Variants in GPR158 observed in about 807,000 individuals in gnomAD.
GPR158 encodes the protein metabotropic glycine receptor.
A neutral mutation model predicts 78.2 loss-of-function variants in GPR158; 30 were observed. The ratio of observed to expected loss-of-function variants is 0.38; its 90% confidence interval spans 0.29 to 0.52. The LOEUF is 0.52. Among genes scored for constraint, GPR158 ranks in the 20% least tolerant of loss-of-function variants. The pLI, the probability that GPR158 is intolerant of heterozygous loss-of-function variation, is 0.83. For synonymous variants in GPR158, 581 were observed against 591.1 expected (o/e 0.98, Z 0.25); for missense variants, 1,463 against 1,523.5 (o/e 0.96, Z 0.66).
At chr10:25,397,096 C>G (rs1834370675) in intron 3 of GPR158, among the ~76,000 whole-genome samples, 1 of 152,138 alleles carries the variant, frequency 6.6e-6, no homozygotes, top group African/African-American at 2.4e-5. Context: ...GAGTGCCTCT[C>G]CTATCACTTC....
At chr10:25,544,262 A>C (rs370762247) in intron 5 of GPR158, among the ~76,000 whole-genome samples, 37 of 151,058 alleles carry the variant, frequency 2.4e-4, no homozygotes, top group Non-Finnish European at 4.3e-4. Flanking sequence ...GGCCCCTAGT[A>C]TCAGAAAGAG....
intron 8 of GPR158, among the ~76,000 whole-genome samples, chr10:25,589,768 T>C (rs1283927449): frequency 6.6e-6 from 1 of 152,194 alleles, no homozygotes; most frequent in South Asian, 2.1e-4. Flanking sequence ...AGGAAGACAG[T>C]GGCTTATCAT....
chr10:25,273,017 G>C (rs1220021878), intron 2 of GPR158, among the ~76,000 whole-genome samples: 1 of 152,132 alleles, frequency 6.6e-6, no homozygotes, highest in Non-Finnish European at 1.5e-5. Flanking sequence ...CTTACCAAAA[G>C]TCACACAATT....
At chr10:25,259,387 T>G (rs1176285788) in intron 2 of GPR158, among the ~76,000 whole-genome samples, 1 of 152,194 alleles carries the variant, frequency 6.6e-6, no homozygotes, top group Non-Finnish European at 1.5e-5. Flanking sequence ...CTTTTCCCAC[T>G]GATGTTCAGT....
intron 5 of GPR158, among the ~76,000 whole-genome samples, chr10:25,484,161 G>A (rs7908927): frequency 0.048 from 7,344 of 152,090 alleles, 491 homozygotes; most frequent in African/African-American, 0.15. Flanking sequence ...CCTCTGCCAC[G>A]GCAATTCTGT....
intron 3 of GPR158, among the ~76,000 whole-genome samples, chr10:25,401,953 T>G (rs1588846232): frequency 6.6e-6 from 1 of 152,282 alleles, no homozygotes; most frequent in South Asian, 2.1e-4. Flanking sequence ...ATTTAGAAAC[T>G]TTGATAAGAT....
chr10:25,339,157 A>AAATTTATTT (rs1855268324), intron 2 of GPR158, among the ~76,000 whole-genome samples: 1 of 151,328 alleles, frequency 6.6e-6, no homozygotes, highest in East Asian at 2.0e-4. Context: ...GCCAGCTTTA[A>AAATTTATTT]AATTTATTTT....
At chr10:25,531,274 C>T (rs1185525557) in intron 5 of GPR158, among the ~76,000 whole-genome samples, 4 of 152,114 alleles carry the variant, frequency 2.6e-5, no homozygotes, top group Admixed American at 6.6e-5. Context: ...GGGCAAGTTA[C>T]TTATCGTCCT....
chr10:25,394,274 A>C (rs1158375360), intron 2 of GPR158, among the ~76,000 whole-genome samples: 1 of 152,236 alleles, frequency 6.6e-6, no homozygotes, highest in African/African-American at 2.4e-5. Context: ...AATTAAAGAC[A>C]GTAAGGCTCA....
intron 2 of GPR158, among the ~76,000 whole-genome samples, chr10:25,375,725 C>A (rs928339008): frequency 6.6e-6 from 1 of 151,492 alleles, no homozygotes; most frequent in African/African-American, 2.4e-5. Context: ...TCTAAGTTTT[C>A]TATTTTTAAA....
intron 5 of GPR158, among the ~76,000 whole-genome samples, chr10:25,517,004 C>T (rs1404703904): frequency 6.7e-6 from 1 of 150,210 alleles, no homozygotes; most frequent in Non-Finnish European, 1.5e-5. Context: ...TACCCATGAG[C>T]ATGGAATGCT....
chr10:25,193,200 G>A (rs1186792072), intron 1 of GPR158, among the ~76,000 whole-genome samples: 1 of 152,072 alleles, frequency 6.6e-6, no homozygotes, highest in Non-Finnish European at 1.5e-5. Context: ...TGGGGGAAAT[G>A]CATAATAAAC....
At chr10:25,227,932 G>T (rs904570501) in intron 2 of GPR158, among the ~76,000 whole-genome samples, 2 of 152,188 alleles carry the variant, frequency 1.3e-5, no homozygotes, top group African/African-American at 2.4e-5. Flanking sequence ...TGTGCTCAAT[G>T]TTGGTGAGGA....
chr10:25,431,735 C>A (rs925294060), intron 4 of GPR158, among the ~76,000 whole-genome samples: 17 of 152,136 alleles, frequency 1.1e-4, no homozygotes, highest in African/African-American at 3.9e-4. Flanking sequence ...TGGCAATCAT[C>A]ATTCTCAGTA....
At chr10:25,282,483 G>A (rs1854289683) in intron 2 of GPR158, among the ~76,000 whole-genome samples, 4 of 151,924 alleles carry the variant, frequency 2.6e-5, no homozygotes, top group Non-Finnish European at 4.4e-5. Context: ...ATTTCTCTTG[G>A]TATATACCTA....
intron 5 of GPR158, among the ~76,000 whole-genome samples, chr10:25,535,677 T>C (rs1836489339): frequency 6.6e-6 from 1 of 152,208 alleles, no homozygotes; most frequent in African/African-American, 2.4e-5. Context: ...ATTTGTTATA[T>C]ACAAGTAGAT....
chr10:25,355,817 G>A (rs979261959), intron 2 of GPR158, among the ~76,000 whole-genome samples: 1 of 152,050 alleles, frequency 6.6e-6, no homozygotes, highest in Admixed American at 6.6e-5. Flanking sequence ...CTAGTAGTGT[G>A]GAAAGGCTGG....
chr10:25,324,358 G>A (rs1263593103), intron 2 of GPR158, among the ~76,000 whole-genome samples: 2 of 152,172 alleles, frequency 1.3e-5, no homozygotes, highest in South Asian at 4.1e-4. Context: ...TTTCAATATT[G>A]TTGTGTGTCA....
chr10:25,370,529 G>A (rs1833972265), intron 2 of GPR158, among the ~76,000 whole-genome samples: 1 of 137,172 alleles, frequency 7.3e-6, no homozygotes, highest in Non-Finnish European at 1.6e-5. Context: ...TGTGGTCTGA[G>A]AGACAGTTTG....
Sources: gnomAD v4.1 joint callset for allele counts (sites outside exome capture counted in the v4.1 genomes callset) on GRCh38, gnomAD v4.1.1 for gene constraint, MANE v1.5 for transcripts, NCBI Gene and HGNC (gene_info 2026-07-23, HGNC 2026-07-21) for gene names.